CHD7: variants seen among roughly 807,000 people sequenced by gnomAD.
CHD7 encodes the protein chromodomain helicase DNA binding protein 7.
Under a neutral mutation model 307.3 loss-of-function variants are expected in CHD7, and 24 were observed. That is an observed-to-expected ratio of 0.08 (90% CI 0.06 to 0.11). The LOEUF (loss-of-function observed/expected upper bound fraction) is 0.11. CHD7 is among the 10% of genes least tolerant of loss of function. The probability of loss-of-function intolerance (pLI) is 1.00; values close to 1 mark genes in which losing one functional copy is unlikely to be tolerated. For missense variants in CHD7, 3,106 were observed against 3,727.1 expected, an observed-to-expected ratio of 0.83 and a Z score of 4.34; for synonymous variants, 1,363 against 1,349.9, an observed-to-expected ratio of 1.01 and a Z score of -0.21.
At chr8:60,843,294 C>G (rs546824918) in intron 21 of CHD7, among the ~76,000 whole-genome samples, 2 of 152,190 alleles carry the variant, frequency 1.3e-5, no homozygotes, top group Admixed American at 1.3e-4. Flanking sequence ...TCACCCCCTG[C>G]GTCCCAAAAG....
chr8:60,694,575 A>G (rs1390199731), intron 1 of CHD7, among the ~76,000 whole-genome samples: 1 of 152,376 alleles, frequency 6.6e-6, no homozygotes, highest in Non-Finnish European at 1.5e-5. Context: ...CTGTCAGCCA[A>G]GGGTCCTGGC....
chr8:60,699,278 A>G (rs1378418941), intron 1 of CHD7, among the ~76,000 whole-genome samples: 2 of 152,136 alleles, frequency 1.3e-5, no homozygotes, highest in African/African-American at 2.4e-5. Flanking sequence ...GGCAGTGTGG[A>G]TTTAAGATGA....
intron 34 of CHD7, among the ~76,000 whole-genome samples, chr8:60,858,590 G>C (rs1024836421): frequency 6.6e-6 from 1 of 152,156 alleles, no homozygotes; most frequent in Non-Finnish European, 1.5e-5. Flanking sequence ...TTCAATATTT[G>C]TAGGTTTTTT....
intron 2 of CHD7, among the ~76,000 whole-genome samples, chr8:60,748,162 C>G (rs767336399): frequency 6.6e-6 from 1 of 152,126 alleles, no homozygotes; most frequent in Non-Finnish European, 1.5e-5. Context: ...CTGTAGAGAT[C>G]AGCACTGATC....
rs1808991256 is a variant in CHD7 at position 60,741,353 on chromosome 8, T to C, written c.-80T>C. On this transcript the variant is annotated 5_prime_UTR_variant, in exon 2 of 38. Coordinates refer to ENST00000423902, the MANE Select transcript of CHD7 (RefSeq NM_017780.4). ...GAAGATTAGTTAAGGATTATAGGCT[T>C]TGAGGGCAAACACCTCAGTGAAGTG... The C allele has an allele frequency of 1.0e-6, 1 of 987,732 alleles. No homozygotes were observed. Among genetic ancestry groups the C allele is most frequent in the South Asian group, 1.7e-5 (1 of 60,474 alleles). 61.2% of individuals were successfully genotyped at this position (987,732 alleles called of 1,614,324 possible).
intron 2 of CHD7, among the ~76,000 whole-genome samples, chr8:60,747,079 GTCTT>G (rs1809362979): frequency 6.6e-6 from 1 of 151,974 alleles, no homozygotes; most frequent in African/African-American, 2.4e-5. Flanking sequence ...ATGTATTTAT[GTCTT>G]TCTTTATTTT....
chr8:60,717,405 A>G (rs1807664175), intron 1 of CHD7, among the ~76,000 whole-genome samples: 1 of 152,164 alleles, frequency 6.6e-6, no homozygotes, highest in African/African-American at 2.4e-5. Context: ...TATTTCTAGC[A>G]CTATGTATTT....
chr8:60,749,285 C>A (rs763261724), intron 2 of CHD7, among the ~76,000 whole-genome samples: 16 of 134,022 alleles, frequency 1.2e-4, no homozygotes, highest in Admixed American at 8.7e-5. Context: ...GCAGGAGAAT[C>A]GCTTGAACCC....
rs370588681 is a variant in CHD7 at position 60,781,346 on chromosome 8, C to G, written c.2012C>G (p.Pro671Arg). The part of the protein sequence containing the change: ...EKKEPKEPKT[P>R]KAPKIPKEPK... ...AAAGAGCCCAAGGAACCCAAGACCC[C>G]GAAAGCCCCTAAGATTCCCAAAGAG... Residue 671 changes from proline to arginine, a missense_variant, in exon 3 of 38, where the codon CCG becomes CGG. By Grantham distance (103) the Pro-to-Arg change is moderately radical (BLOSUM62 -2). Coordinates refer to ENST00000423902, the MANE Select transcript of CHD7 (RefSeq NM_017780.4). The G allele has an allele frequency of 8.3e-6, 13 of 1,567,488 alleles. No homozygotes were observed. The highest frequency in any genetic ancestry group is 7.8e-6 in the Non-Finnish European group (9 of 1,160,316).
In CHD7 at chr8:60,857,320, T is replaced by G. The variant is rs142363021; in HGVS notation, c.7608+432T>G. Reference sequence around the variant, plus strand: ...AGTGACTGCAAATTCTCCTGTCTCCTTAAGTAGATATTTTAAAAATTTGAG... The same window carrying G: ...AGTGACTGCAAATTCTCCTGTCTCCGTAAGTAGATATTTTAAAAATTTGAG... On this transcript the variant is annotated intron_variant, in intron 34 of 37. Transcript: ENST00000423902. Among the ~76,000 whole-genome samples the G allele has an allele frequency of 4.4e-3, 669 of 152,332 alleles. 5 individuals carry two copies. The highest frequency in any genetic ancestry group is 0.016 in the African/African-American group (648 of 41,582).
intron 3 of CHD7, among the ~76,000 whole-genome samples, chr8:60,782,911 TA>T (rs1285188633): frequency 6.6e-6 from 1 of 152,156 alleles, no homozygotes; most frequent in African/African-American, 2.4e-5. Flanking sequence ...GGAGAAAGCA[TA>T]AGCTTATTTC....
chr8:60,690,197 A>T (rs796834062), intron 1 of CHD7, among the ~76,000 whole-genome samples: 1 of 136,546 alleles, frequency 7.3e-6, no homozygotes, highest in South Asian at 2.2e-4. Context: ...CCAGGGGATT[A>T]AAAAAAAAAA....
intron 1 of CHD7, among the ~76,000 whole-genome samples, chr8:60,714,147 G>GCGC (rs1009396890): frequency 5.9e-5 from 9 of 151,980 alleles, no homozygotes; most frequent in African/African-American, 1.9e-4. Context: ...CCCGGAGCCC[G>GCGC]CGCGAGGACA....
At chr8:60,798,696 A>C (rs1278049215) in intron 4 of CHD7, among the ~76,000 whole-genome samples, 1 of 152,172 alleles carries the variant, frequency 6.6e-6, no homozygotes, top group Non-Finnish European at 1.5e-5. Context: ...TAATTCTTAG[A>C]AAAAATTTTG....
chr8:60,861,091 C>G lies in CHD7; in HGVS notation c.7796C>G (p.Pro2599Arg). 6.2e-7 allele frequency: 1 copy of G among 1,605,738 alleles called. No individual in the cohort carries two copies. Among genetic ancestry groups the G allele is most frequent in the Non-Finnish European group, 8.5e-7 (1 of 1,175,898 alleles). ...TTAGTTGAATGGCTGAAGCTGCACC[C>G]TACTTACACTGTTGATATGCCAAGT... ...KDLVEWLKLHPTYTVDMPSYV... is the reference protein window; with the variant it reads ...KDLVEWLKLHRTYTVDMPSYV... The change falls in exon 35 of 38, where the codon CCT (proline) becomes CGT (arginine). Residue 2599 changes from proline to arginine, a missense_variant. Pro to Arg is a moderately radical substitution (Grantham distance 103). Transcript: ENST00000423902.
Position 60,838,251 on chromosome 8 carries a change from C to T in CHD7, c.4529C>T (p.Ala1510Val). Residue 1510 changes from alanine to valine, a missense_variant, in exon 19 of 38, where the codon GCT becomes GTT. By Grantham distance (64) the Ala-to-Val change is moderately conservative. This residue lies in a region of CHD7 where 93 missense variants were observed against 176.4 expected (regional missense o/e 0.53). Transcript: ENST00000423902. ...IESEGKGSTF[A>V]KASFVASGNR... ...TCAGAAGGGAAAGGTTCCACATTTG[C>T]TAAGGTGTGAATCGATCTAAAGAGG... 6.2e-7 allele frequency: 1 copy of T among 1,601,360 alleles called. No individual in the cohort carries two copies. The highest frequency in any genetic ancestry group is 1.1e-5 in the South Asian group (1 of 88,312).
chr8:60,729,001 A>G (rs1304106103), intron 1 of CHD7, among the ~76,000 whole-genome samples: 1 of 152,214 alleles, frequency 6.6e-6, no homozygotes, highest in South Asian at 2.1e-4. Context: ...CCCAGTGTCA[A>G]TAACAGAAAA....
In CHD7 at chr8:60,705,054, A is replaced by T. The variant is rs982573605; in HGVS notation, c.-175+25972A>T. On this transcript the variant is annotated intron_variant, in intron 1 of 37. Transcript: ENST00000423902. ...TCTGCATAGGAGCTCTGAATGTGAT[A>T]TAAAATCTGATCCAATTGAGAGGTG... is the stretch of plus-strand genomic sequence containing the variant. Among the ~76,000 whole-genome samples, 46 of 152,324 alleles carry T rather than the reference A, an allele frequency of 3.0e-4. 1 individual carries two copies. The highest frequency in any genetic ancestry group is 9.1e-4 in the Admixed American group (14 of 15,308).
At chr8:60,788,751 C>T (rs924635920) in intron 3 of CHD7, among the ~76,000 whole-genome samples, 4 of 152,128 alleles carry the variant, frequency 2.6e-5, no homozygotes, top group East Asian at 3.9e-4. Context: ...GTGGGGCCTT[C>T]GCCAAAAGGG....
Sources: gnomAD v4.1 joint callset for allele counts (sites outside exome capture counted in the v4.1 genomes callset) on GRCh38, gnomAD v4.1.1 for gene constraint, gnomAD v4.1.1 regional missense constraint, MANE v1.5 for transcripts, NCBI Gene and HGNC (gene_info 2026-07-23, HGNC 2026-07-21) for gene names.